ANKRD31: variants seen among roughly 807,000 people sequenced by gnomAD.
The protein encoded by ANKRD31 is ankyrin repeat domain 31, also known as ankyrin repeat domain-containing protein 31.
A neutral mutation model predicts 186.0 loss-of-function variants in ANKRD31; 147 were observed. The ratio of observed to expected loss-of-function variants is 0.79; its 90% CI spans 0.69 to 0.91. The LOEUF is 0.91. ANKRD31 is among the 40% of genes least tolerant of loss of function. The probability of loss-of-function intolerance (pLI) is 0.00; values close to 1 mark genes in which losing one functional copy is unlikely to be tolerated. For synonymous variants in ANKRD31, 673 were observed against 736.4 expected, an observed-to-expected ratio of 0.91 and a Z score of 1.39; for missense variants, 1,986 against 2,148.8, an observed-to-expected ratio of 0.92 and a Z score of 1.50.
intron 2 of ANKRD31, among the ~76,000 whole-genome samples, chr5:75,229,425 T>C (rs138401035): frequency 6.6e-6 from 1 of 152,240 alleles, no homozygotes; most frequent in East Asian, 1.9e-4. Context: ...TTTCTAGGAA[T>C]CTTAAGCATC....
intron 4 of ANKRD31, among the ~76,000 whole-genome samples, chr5:75,207,702 A>G (rs191853714): frequency 1.3e-5 from 2 of 152,254 alleles, no homozygotes; most frequent in East Asian, 3.9e-4. Flanking sequence ...AGTATGAACA[A>G]AAACAAAAAT....
intron 25 of ANKRD31, among the ~76,000 whole-genome samples, chr5:75,076,330 T>C (rs1744647510): frequency 6.6e-6 from 1 of 152,198 alleles, no homozygotes; most frequent in Non-Finnish European, 1.5e-5. Flanking sequence ...AGGGTTTCCA[T>C]AGTGCCTCTA....
chr5:75,151,002 A>G (rs1469115372), intron 12 of ANKRD31, among the ~76,000 whole-genome samples: 2 of 151,976 alleles, frequency 1.3e-5, no homozygotes, highest in African/African-American at 2.4e-5. Context: ...TGAACCATTA[A>G]TTAATTACCT....
intron 23 of ANKRD31, among the ~76,000 whole-genome samples, chr5:75,090,464 T>C (rs1366201544): frequency 6.6e-6 from 1 of 152,110 alleles, no homozygotes; most frequent in Admixed American, 6.5e-5. Flanking sequence ...TGGGCAGACC[T>C]GGGTTAAACA....
intron 12 of ANKRD31, among the ~76,000 whole-genome samples, chr5:75,152,740 AG>A (rs1751923705): frequency 6.6e-6 from 1 of 151,990 alleles, no homozygotes; most frequent in Non-Finnish European, 1.5e-5. Flanking sequence ...TAGATTCTGG[AG>A]GAAAAAGACA....
At chr5:75,218,127 A>G (rs2150301093) in intron 3 of ANKRD31, among the ~76,000 whole-genome samples, 1 of 152,296 alleles carries the variant, frequency 6.6e-6, no homozygotes, top group Admixed American at 6.5e-5. Flanking sequence ...AAACATGAAA[A>G]CCTTACAAAA....
intron 17 of ANKRD31, among the ~76,000 whole-genome samples, chr5:75,134,790 C>G (rs1229227648): frequency 1.3e-5 from 2 of 152,128 alleles, no homozygotes; most frequent in Admixed American, 1.3e-4. Context: ...CAAACCGAAT[C>G]CAGTAGCACA....
At chr5:75,072,839 A>C (rs1208255098) in intron 25 of ANKRD31, among the ~76,000 whole-genome samples, 1 of 152,170 alleles carries the variant, frequency 6.6e-6, no homozygotes, top group African/African-American at 2.4e-5. Flanking sequence ...CTTCCAATAC[A>C]TGAGGGCAGA....
intron 25 of ANKRD31, among the ~76,000 whole-genome samples, chr5:75,076,551 G>A (rs778925611): frequency 2.0e-5 from 3 of 152,194 alleles, no homozygotes; most frequent in South Asian, 2.1e-4. Context: ...TCTGAGCCCC[G>A]TCATTTAGTG....
chr5:75,186,491 C>G (rs893274404), intron 10 of ANKRD31, among the ~76,000 whole-genome samples: 1 of 152,118 alleles, frequency 6.6e-6, no homozygotes, highest in Non-Finnish European at 1.5e-5. Context: ...TCATTAATAC[C>G]CTGGTCTGGG....
chr5:75,139,660 T>C (rs1439007437), intron 15 of ANKRD31, among the ~76,000 whole-genome samples: 2 of 152,060 alleles, frequency 1.3e-5, no homozygotes, highest in African/African-American at 2.4e-5. Flanking sequence ...TTGGGGGGAT[T>C]AGAAAGTCAA....
At chr5:75,228,478 T>C (rs1757765736) in intron 2 of ANKRD31, among the ~76,000 whole-genome samples, 1 of 152,138 alleles carries the variant, frequency 6.6e-6, no homozygotes. Context: ...TCATGGATCT[T>C]GGGCTTAAAT....
At chr5:75,158,577 A>T (rs1357722331) in intron 11 of ANKRD31, among the ~76,000 whole-genome samples, 1 of 152,112 alleles carries the variant, frequency 6.6e-6, no homozygotes, top group Non-Finnish European at 1.5e-5. Flanking sequence ...GCAGTTCTAA[A>T]CCAGCCTAGG....
intron 12 of ANKRD31, among the ~76,000 whole-genome samples, chr5:75,150,066 A>G (rs1257274249): frequency 6.6e-6 from 1 of 151,848 alleles, no homozygotes. Flanking sequence ...AGTTCCCATA[A>G]TGTACCGGGT....
intron 20 of ANKRD31, 45 bp downstream of exon 20, chr5:75,112,468 T>C: frequency 2.3e-6 from 3 of 1,279,682 alleles, no homozygotes; most frequent in African/African-American, 1.5e-5. Flanking sequence ...GAAGATGACC[T>C]TGGGTATCTG....
At chr5:75,201,360 A>C (rs1311910911) in intron 5 of ANKRD31, among the ~76,000 whole-genome samples, 1 of 152,186 alleles carries the variant, frequency 6.6e-6, no homozygotes, top group African/African-American at 2.4e-5. Flanking sequence ...GACATATTTC[A>C]TTGTGTGTAT....
At chr5:75,072,182 T>C (rs1293353666) in intron 25 of ANKRD31, among the ~76,000 whole-genome samples, 1 of 152,244 alleles carries the variant, frequency 6.6e-6, no homozygotes, top group Non-Finnish European at 1.5e-5. Flanking sequence ...CTTTTTGTTT[T>C]TCTCCTCATT....
At chr5:75,086,188 T>C (rs1037037877) in intron 23 of ANKRD31, among the ~76,000 whole-genome samples, 1 of 152,224 alleles carries the variant, frequency 6.6e-6, no homozygotes, top group Admixed American at 6.5e-5. Context: ...AATATTTTTA[T>C]TAGTTAGTGC....
At chr5:75,181,624 T>C (rs1210042923) in intron 10 of ANKRD31, among the ~76,000 whole-genome samples, 1 of 150,714 alleles carries the variant, frequency 6.6e-6, no homozygotes, top group Non-Finnish European at 1.5e-5. Context: ...CTCAGCAAAC[T>C]ATCGCAAGGA....
Sources: gnomAD v4.1 joint callset for allele counts (sites outside exome capture counted in the v4.1 genomes callset) on GRCh38, gnomAD v4.1.1 for gene constraint, MANE v1.5 for transcripts, NCBI Gene and HGNC (gene_info 2026-07-23, HGNC 2026-07-21) for gene names.